Variants in EXOC6B observed in about 807,000 individuals in gnomAD.
EXOC6B encodes exocyst complex component 6B.
A neutral mutation model predicts 113.5 loss-of-function variants in EXOC6B; 54 were observed. The ratio of observed to expected loss-of-function variants is 0.48; its 90% CI spans 0.38 to 0.60. EXOC6B has a LOEUF of 0.60. EXOC6B is among the 20% of genes least tolerant of loss of function. The pLI is 0.00. For missense variants in EXOC6B, 797 were observed against 977.5 expected, an observed-to-expected ratio of 0.82 and a Z score of 2.46; for synonymous variants, 357 against 339.0, an observed-to-expected ratio of 1.05 and a Z score of -0.58.
intron 19 of EXOC6B, among the ~76,000 whole-genome samples, chr2:72,345,500 A>T (rs555283451): frequency 2.0e-5 from 3 of 152,318 alleles, no homozygotes; most frequent in Non-Finnish European, 4.4e-5. Context: ...TTTAGTACTA[A>T]AAAGAAATGG....
intron 19 of EXOC6B, among the ~76,000 whole-genome samples, chr2:72,344,723 G>T (rs148311201): frequency 6.6e-6 from 1 of 151,914 alleles, no homozygotes; most frequent in African/African-American, 2.4e-5. Flanking sequence ...GGACCTCTAC[G>T]GTTAGTTTCT....
chr2:72,449,733 T>C (rs1424050557), intron 18 of EXOC6B, among the ~76,000 whole-genome samples: 1 of 152,186 alleles, frequency 6.6e-6, no homozygotes, highest in Non-Finnish European at 1.5e-5. Context: ...AACATTATAC[T>C]AAACAGATGT....
chr2:72,256,684 C>T (rs1683372656), intron 20 of EXOC6B, among the ~76,000 whole-genome samples: 1 of 152,178 alleles, frequency 6.6e-6, no homozygotes, highest in East Asian at 1.9e-4. Flanking sequence ...CATCACACTG[C>T]CCCTACTCCC....
chr2:72,718,648 A>T (rs1049571945), intron 5 of EXOC6B, among the ~76,000 whole-genome samples: 6 of 152,208 alleles, frequency 3.9e-5, no homozygotes, highest in Admixed American at 2.6e-4. Flanking sequence ...ACTTGAGGCC[A>T]GGAATTTGAG....
At chr2:72,731,654 C>T (rs1166178401) in intron 3 of EXOC6B, among the ~76,000 whole-genome samples, 1 of 152,108 alleles carries the variant, frequency 6.6e-6, no homozygotes, top group East Asian at 1.9e-4. Flanking sequence ...GAAGTCATAC[C>T]ATAATATAAC....
intron 18 of EXOC6B, among the ~76,000 whole-genome samples, chr2:72,445,007 G>A (rs1365708075): frequency 6.6e-6 from 1 of 152,136 alleles, no homozygotes; most frequent in Non-Finnish European, 1.5e-5. Context: ...TTGTCAGGTT[G>A]CAAATTTTCC....
intron 21 of EXOC6B, among the ~76,000 whole-genome samples, chr2:72,183,772 C>A (rs1041085419): frequency 7.3e-5 from 11 of 150,154 alleles, no homozygotes; most frequent in Non-Finnish European, 1.5e-4. Flanking sequence ...ATTTTTTTTT[C>A]TCTTGCCATA....
chr2:72,541,863 A>G (rs1360603818), intron 8 of EXOC6B, among the ~76,000 whole-genome samples: 1 of 152,128 alleles, frequency 6.6e-6, no homozygotes, highest in Non-Finnish European at 1.5e-5. Context: ...TATTATTTAC[A>G]GTGTTTCGTC....
chr2:72,502,347 G>A (rs1700371116), intron 11 of EXOC6B, among the ~76,000 whole-genome samples: 1 of 152,036 alleles, frequency 6.6e-6, no homozygotes, highest in Non-Finnish European at 1.5e-5. Context: ...CAGAAACTCT[G>A]GGCCAGCCTG....
chr2:72,768,288 CT>C (rs200442752), intron 1 of EXOC6B, among the ~76,000 whole-genome samples: 55,526 of 105,176 alleles, frequency 0.53, 15,016 homozygotes, highest in East Asian at 0.87. Flanking sequence ...AGAATGCAAG[CT>C]TTTTTTTTTT....
At position 72,437,521 on chromosome 2, in the gene EXOC6B, C is replaced by T. The variant is rs1014233998; in HGVS notation, c.1980+27639G>A. On this transcript the variant is annotated intron_variant, in intron 18 of 21. Transcript: ENST00000272427. ...ACAGCCGCCCCTTCCCCCAGGTGCT[C>T]TGTCCCAGGGAGATGGGAGTTTTAT... 3.3e-5 allele frequency among the ~76,000 whole-genome samples: 5 copies of T among 152,332 alleles called. No individual in the cohort carries two copies. The South Asian group carries it at 8.3e-4, about 25-fold the overall frequency.
chr2:72,432,328 A>T (rs1695590220), intron 18 of EXOC6B, among the ~76,000 whole-genome samples: 1 of 152,136 alleles, frequency 6.6e-6, no homozygotes, highest in Non-Finnish European at 1.5e-5. Context: ...TCTATCACTG[A>T]TGGGCATTCA....
At chr2:72,491,195 G>A (rs1400855743) in intron 16 of EXOC6B, among the ~76,000 whole-genome samples, 4 of 152,158 alleles carry the variant, frequency 2.6e-5, no homozygotes, top group African/African-American at 7.2e-5. Context: ...TCTGTAAAAT[G>A]AGGGGATTAT....
intron 20 of EXOC6B, among the ~76,000 whole-genome samples, chr2:72,246,405 T>C (rs763200454): frequency 6.6e-6 from 1 of 152,184 alleles, no homozygotes; most frequent in Non-Finnish European, 1.5e-5. Context: ...TTCATTGTTA[T>C]ATGTGTAGTA....
chr2:72,475,292 G>C (rs1315052493), intron 17 of EXOC6B, among the ~76,000 whole-genome samples: 2 of 152,142 alleles, frequency 1.3e-5, no homozygotes, highest in Non-Finnish European at 2.9e-5. Flanking sequence ...TTGAACCCCT[G>C]GGGCAGCCAG....
At chr2:72,661,370 CA>C (rs200936973) in intron 6 of EXOC6B, among the ~76,000 whole-genome samples, 996 of 69,062 alleles carry the variant, frequency 0.014, 10 homozygotes, top group Admixed American at 0.077. Context: ...CAAGGAATCT[CA>C]AAAAAAAAAA....
chr2:72,288,057 A>C, intron 20 of EXOC6B, among the ~76,000 whole-genome samples: 1 of 152,232 alleles, frequency 6.6e-6, no homozygotes, highest in East Asian at 1.9e-4. Flanking sequence ...AAGGTATCAA[A>C]ATGGCCAATT....
intron 6 of EXOC6B, among the ~76,000 whole-genome samples, chr2:72,661,342 T>C (rs1179458000): frequency 7.0e-6 from 1 of 143,658 alleles, no homozygotes; most frequent in Non-Finnish European, 1.5e-5. Context: ...ATAACGTAAT[T>C]ATCCATGCTG....
chr2:72,741,473 T>A lies in EXOC6B; in HGVS notation c.114-4A>T. The stretch of plus-strand genomic sequence containing the variant: ...TTCTTCACCATCATAAACAGACCTT[T>A]AAAAAAAAATGGCACGAAGATTATA... On this transcript the variant is annotated splice_region_variant and splice_polypyrimidine_tract_variant and intron_variant, in intron 1 of 21. Transcript: ENST00000272427. 2.3e-5 allele frequency: 36 copies of A among 1,558,426 alleles called. No homozygotes were observed. Among genetic ancestry groups the A allele is most frequent in the Admixed American group, 9.7e-5 (5 of 51,602 alleles).
Sources: gnomAD v4.1 joint callset for allele counts (sites outside exome capture counted in the v4.1 genomes callset) on GRCh38, gnomAD v4.1.1 for gene constraint, MANE v1.5 for transcripts, NCBI Gene and HGNC (gene_info 2026-07-23, HGNC 2026-07-21) for gene names.